Variants in NAALADL2 observed in about 807,000 individuals in gnomAD.
NAALADL2 encodes inactive N-acetylated-alpha-linked acidic dipeptidase-like protein 2.
Under a neutral mutation model 87.2 loss-of-function variants are expected in NAALADL2, and 76 were observed. That is an observed-to-expected ratio of 0.87 (90% CI 0.72 to 1.05). The LOEUF (loss-of-function observed/expected upper bound fraction) is 1.05, where lower values mean the gene tolerates loss of function less well. NAALADL2 is among the 50% of genes least tolerant of loss of function. The pLI is 0.00. For synonymous variants in NAALADL2, 354 were observed against 331.0 expected (o/e 1.07, Z -0.75); for missense variants, 1,089 against 945.8 (o/e 1.15, Z -1.99).
At chr3:175,538,223 T>C (rs1021106427) in intron 9 of NAALADL2, among the ~76,000 whole-genome samples, 1 of 152,156 alleles carries the variant, frequency 6.6e-6, no homozygotes, top group Admixed American at 6.5e-5. Context: ...TTTCATATGA[T>C]AGGTATGTTG....
chr3:174,553,476 A>G (rs1171007532), intron 2 of NAALADL2, among the ~76,000 whole-genome samples: 3 of 152,190 alleles, frequency 2.0e-5, no homozygotes, highest in African/African-American at 4.8e-5. Flanking sequence ...AAAATTTATT[A>G]TAAGAAAAAA....
At chr3:175,062,476 CTGTGTGTGTGTGTG>C (rs71792051) in intron 1 of NAALADL2, among the ~76,000 whole-genome samples, 33 of 131,564 alleles carry the variant, frequency 2.5e-4, no homozygotes, top group South Asian at 1.1e-3. Context: ...GGAAGTTTGG[CTGTGTGTGTGTGTG>C]TGTGTGTGTG....
At chr3:174,606,754 T>C (rs1259190837) in intron 2 of NAALADL2, among the ~76,000 whole-genome samples, 1 of 152,140 alleles carries the variant, frequency 6.6e-6, no homozygotes, top group African/African-American at 2.4e-5. Context: ...CTGCAGGATA[T>C]TATCCAGGAG....
At chr3:174,765,143 CG>C (rs67616882) in intron 3 of NAALADL2, among the ~76,000 whole-genome samples, 36,953 of 124,528 alleles carry the variant, frequency 0.3, 5,104 homozygotes, top group Non-Finnish European at 0.36. Context: ...CACACACACA[CG>C]AGAGAGAGAG....
At chr3:174,733,085 T>A (rs1224025316) in intron 2 of NAALADL2, among the ~76,000 whole-genome samples, 1 of 152,186 alleles carries the variant, frequency 6.6e-6, no homozygotes, top group Non-Finnish European at 1.5e-5. Context: ...ATTTTATTGT[T>A]AAAAATTGTA....
chr3:175,651,314 G>A (rs1242372966), intron 11 of NAALADL2, among the ~76,000 whole-genome samples: 1 of 152,012 alleles, frequency 6.6e-6, no homozygotes, highest in African/African-American at 2.4e-5. Flanking sequence ...TTATAAGAAG[G>A]CAGATCATGT....
At chr3:175,060,834 G>A (rs1050506953) in intron 1 of NAALADL2, among the ~76,000 whole-genome samples, 9 of 152,152 alleles carry the variant, frequency 5.9e-5, no homozygotes, top group African/African-American at 2.2e-4. Flanking sequence ...GATCACCTGA[G>A]GTTGGGAGTT....
chr3:175,446,785 G>A (rs927980344), intron 5 of NAALADL2, among the ~76,000 whole-genome samples: 4 of 152,054 alleles, frequency 2.6e-5, no homozygotes, highest in Admixed American at 1.3e-4. Flanking sequence ...CCCTTTCTTT[G>A]TTCGGTGGTA....
At chr3:175,713,047 A>G (rs1023035064) in intron 11 of NAALADL2, among the ~76,000 whole-genome samples, 45 of 152,258 alleles carry the variant, frequency 3.0e-4, no homozygotes, top group African/African-American at 1.0e-3. Flanking sequence ...ATTTAATAGG[A>G]AAACAATCTA....
chr3:174,656,680 T>C (rs1724966425), intron 2 of NAALADL2, among the ~76,000 whole-genome samples: 2 of 152,182 alleles, frequency 1.3e-5, no homozygotes, highest in Non-Finnish European at 2.9e-5. Context: ...AAATTATTAT[T>C]TAAAACTACA....
intron 5 of NAALADL2, among the ~76,000 whole-genome samples, chr3:175,400,514 A>G (rs1770426264): frequency 6.6e-6 from 1 of 152,146 alleles, no homozygotes; most frequent in Non-Finnish European, 1.5e-5. Flanking sequence ...AAGATCAGTA[A>G]AAAGAGACAA....
rs143234187 is a variant in NAALADL2, at chr3:175,200,716, A to G, written c.546-33215A>G. On this transcript the variant is annotated intron_variant, in intron 2 of 13. Transcript: ENST00000454872. ...CCTACCATTTTTCTTTCTCATTGCC[A>G]TGAATTGGGCTTTAACATTCCTTAC... is the stretch of plus-strand genomic sequence containing the variant. Among the ~76,000 whole-genome samples, 579 of 152,272 alleles carry G rather than the reference A, an allele frequency of 3.8e-3. 3 individuals carry two copies. Among genetic ancestry groups the G allele is most frequent in the African/African-American group, 0.013 (556 of 41,542 alleles).
chr3:174,785,857 A>G lies in NAALADL2; in HGVS notation c.-9+48111A>G, dbSNP rs75896696. Among the ~76,000 whole-genome samples, 707 of 152,022 alleles carry G rather than the reference A, an allele frequency of 4.7e-3. 4 individuals carry two copies. The highest frequency in any genetic ancestry group is 0.017 in the Middle Eastern group (5 of 294). ...GCTCCAAAACTTGTCAGAGTACTCTATTTTCTTATTCAAGTTTGTCTCTTC... is the reference window on the plus strand; with the variant it reads ...GCTCCAAAACTTGTCAGAGTACTCTGTTTTCTTATTCAAGTTTGTCTCTTC... On this transcript the variant is annotated intron_variant, in intron 3 of 3. Coordinates refer to the NAALADL2 transcript ENST00000434257.
chr3:175,510,122 AGTT>A (rs1730953154), intron 9 of NAALADL2, among the ~76,000 whole-genome samples: 1 of 150,584 alleles, frequency 6.6e-6, no homozygotes, highest in African/African-American at 2.5e-5. Context: ...TTCTTGCGAT[AGTT>A]TACTGAGAAT....
At chr3:175,146,882 C>A (rs567718525) in intron 2 of NAALADL2, among the ~76,000 whole-genome samples, 2 of 151,916 alleles carry the variant, frequency 1.3e-5, no homozygotes, top group African/African-American at 4.8e-5. Flanking sequence ...GGTACATAAT[C>A]TTCTCCCAAG....
At chr3:175,718,356 A>T in intron 11 of NAALADL2, 1 of 1,602,882 alleles carries the variant, frequency 6.2e-7, no homozygotes, top group Non-Finnish European at 8.5e-7. Flanking sequence ...TAGCACTGAT[A>T]TGCTCTTGGG....
chr3:175,715,080 A>G (rs1294515478), intron 11 of NAALADL2, among the ~76,000 whole-genome samples: 1 of 152,156 alleles, frequency 6.6e-6, no homozygotes, highest in Non-Finnish European at 1.5e-5. Context: ...TTACATTACC[A>G]TTAACAGTAA....
At chr3:175,427,446 A>T (rs1378783466) in intron 5 of NAALADL2, among the ~76,000 whole-genome samples, 1 of 152,210 alleles carries the variant, frequency 6.6e-6, no homozygotes, top group Non-Finnish European at 1.5e-5. Context: ...ACAATTATTA[A>T]ATGATTCACG....
intron 10 of NAALADL2, among the ~76,000 whole-genome samples, chr3:175,596,385 G>A (rs1173292184): frequency 1.3e-5 from 2 of 151,876 alleles, no homozygotes; most frequent in African/African-American, 2.4e-5. Flanking sequence ...CTATTTTAGA[G>A]AGAATTTTTA....
Sources: allele counts gnomAD v4.1 joint callset (sites outside exome capture counted in the v4.1 genomes callset), GRCh38; gene constraint gnomAD v4.1.1; transcripts MANE v1.5; gene names NCBI Gene and HGNC (gene_info 2026-07-23, HGNC 2026-07-21).